Variants in NAV3 observed in about 807,000 individuals in gnomAD.
NAV3 encodes the protein neuron navigator 3.
NAV3 carries 87 observed loss-of-function variants against 244.7 expected under a neutral mutation model. The ratio of observed to expected loss-of-function variants is 0.36; its 90% CI spans 0.30 to 0.42. The LOEUF (loss-of-function observed/expected upper bound fraction) is 0.42. Among genes scored for constraint, NAV3 ranks in the 20% least tolerant of loss-of-function variants. The pLI is 1.00. For missense variants in NAV3, 2,663 were observed against 2,893.3 expected, an observed-to-expected ratio of 0.92 and a Z score of 1.83; for synonymous variants, 1,126 against 1,042.2, an observed-to-expected ratio of 1.08 and a Z score of -1.55.
At chr12:77,899,486 T>C (rs1885006856) in intron 1 of NAV3, among the ~76,000 whole-genome samples, 1 of 152,238 alleles carries the variant, frequency 6.6e-6, no homozygotes, top group Non-Finnish European at 1.5e-5. Flanking sequence ...AAGCCTCAGA[T>C]GATTGTTAGC....
chr12:78,131,782 A>C (rs981294154), intron 18 of NAV3, among the ~76,000 whole-genome samples: 11 of 152,180 alleles, frequency 7.2e-5, no homozygotes, highest in Non-Finnish European at 1.3e-4. Flanking sequence ...AGAATGACGG[A>C]TATAGTGTAT....
In NAV3 at chr12:77,998,387, A is replaced by G. The variant is rs1452917650; in HGVS notation, c.791A>G (p.Gln264Arg). The change falls in exon 7 of 40, where the codon CAG (glutamine) becomes CGG (arginine). Residue 264 changes from glutamine to arginine, a missense_variant. Transcript: ENST00000397909. The stretch of plus-strand genomic sequence containing the variant: ...GCTGCAGGAAGCAGCAGCAAGGTCC[A>G]GGGAGCCTCTAATTTAAATAGGAGA... ...VPAAGSSSKV[Q>R]GASNLNRRSQ... The G allele has an allele frequency of 6.2e-7, 1 of 1,612,066 alleles. No individual in the cohort carries two copies. Among genetic ancestry groups the G allele is most frequent in the Admixed American group, 1.7e-5 (1 of 59,746 alleles).
chr12:77,746,902 T>C (rs1399663443), intron 2 of NAV3, among the ~76,000 whole-genome samples: 3 of 152,112 alleles, frequency 2.0e-5, no homozygotes, highest in Admixed American at 2.0e-4. Context: ...TGTCATATAG[T>C]CTCAATAGTT....
At chr12:77,901,220 T>A (rs2136919276) in intron 1 of NAV3, among the ~76,000 whole-genome samples, 1 of 152,346 alleles carries the variant, frequency 6.6e-6, no homozygotes, top group East Asian at 1.9e-4. Flanking sequence ...AGAAGCTCTT[T>A]AGTTTAAGTA....
chr12:78,012,366 A>G (rs1228407679), intron 8 of NAV3, among the ~76,000 whole-genome samples: 1 of 151,980 alleles, frequency 6.6e-6, no homozygotes, highest in Admixed American at 6.6e-5. Context: ...TGGCATTTTG[A>G]CCTTCTAAAA....
At chr12:77,720,155 TTCTCTCTC>T (rs71088328) in intron 2 of NAV3, among the ~76,000 whole-genome samples, 1 of 151,148 alleles carries the variant, frequency 6.6e-6, no homozygotes, top group African/African-American at 2.4e-5. Context: ...TTACTTGAGT[TTCTCTCTC>T]TCTCTCTCTC....
At chr12:77,658,891 A>C (rs945703315) in intron 2 of NAV3, among the ~76,000 whole-genome samples, 32 of 152,224 alleles carry the variant, frequency 2.1e-4, no homozygotes, top group African/African-American at 6.8e-4. Context: ...GGGGCTGGGA[A>C]AACTGGCTAT....
At chr12:78,071,220 T>A (rs1008367633) in intron 12 of NAV3, among the ~76,000 whole-genome samples, 2 of 152,166 alleles carry the variant, frequency 1.3e-5, no homozygotes, top group African/African-American at 4.8e-5. Flanking sequence ...ACCTGCTGTT[T>A]CCTGACTTTT....
In NAV3 at chr12:77,776,793, C is replaced by CA. The variant is rs1219376004; in HGVS notation, c.73-163524dup. ...GTTGGGAGTTTGAGACCAGCCTGAC[C>CA]AACATGGAGAAACCCCGTCTCTACT... is the stretch of plus-strand genomic sequence containing the variant. On this transcript the variant is annotated intron_variant, in intron 2 of 8. Transcript: ENST00000550042. 4.6e-5 allele frequency among the ~76,000 whole-genome samples: 7 copies of CA among 152,186 alleles called. No individual in the cohort carries two copies. The East Asian group carries it at 1.4e-3, about 29-fold the overall frequency.
At chr12:77,954,394 T>A (rs1891174315) in intron 3 of NAV3, among the ~76,000 whole-genome samples, 1 of 152,222 alleles carries the variant, frequency 6.6e-6, no homozygotes, top group Admixed American at 6.6e-5. Flanking sequence ...GTAAGCATAA[T>A]GAGGCAGAAG....
chr12:77,988,452 C>T (rs956676193), intron 5 of NAV3, among the ~76,000 whole-genome samples: 15 of 152,118 alleles, frequency 9.9e-5, no homozygotes, highest in Admixed American at 6.6e-5. Flanking sequence ...TTTTGATCAC[C>T]AGATGAATTC....
chr12:77,863,092 CTTT>C (rs1879489504), intron 1 of NAV3, among the ~76,000 whole-genome samples: 1 of 151,766 alleles, frequency 6.6e-6, no homozygotes, highest in South Asian at 2.1e-4. Flanking sequence ...TCTTAAAAAT[CTTT>C]GTTAAATTAT....
chr12:77,763,819 T>C (rs1371732786), intron 2 of NAV3, among the ~76,000 whole-genome samples: 3 of 152,174 alleles, frequency 2.0e-5, no homozygotes, highest in Non-Finnish European at 4.4e-5. Context: ...GAGAGAGCTC[T>C]AGACATAATT....
At position 78,119,631 on chromosome 12, in the gene NAV3, C is replaced by T. The variant is rs369657637; in HGVS notation, c.3435C>T (p.Ser1145=). The change falls in exon 15 of 40, where the codon AGC becomes AGT. Residue 1145 remains serine (S), a synonymous_variant. Transcript: ENST00000397909. Reference sequence around the variant, plus strand: ...GCTTGCCCCGCCCTTCAAAATCCAGCACCAGTGGCATTCCTGGCCGAGGAG... The same window carrying T: ...GCTTGCCCCGCCCTTCAAAATCCAGTACCAGTGGCATTCCTGGCCGAGGAG... ...YRSLPRPSKS[S]TSGIPGRGGH... is the part of the protein sequence containing the mutation. 6 of 1,614,090 alleles carry T rather than the reference C, an allele frequency of 3.7e-6. No homozygotes were observed. The highest frequency in any genetic ancestry group is 5.1e-6 in the Non-Finnish European group (6 of 1,180,060).
At position 78,159,328 on chromosome 12, in the gene NAV3, A is replaced by C. The variant is rs368896902; in HGVS notation, c.4869+42A>C. On this transcript the variant is annotated intron_variant, in intron 23 of 39. Transcript: ENST00000397909. ...CCACTGGAGACTGAAAGAAGACAGC[A>C]AATTGCATAGGATTCTTAAATAATA... 1.1e-4 allele frequency: 169 copies of C among 1,490,096 alleles called. 1 individual carries two copies. Among genetic ancestry groups the C allele is most frequent in the Non-Finnish European group, 1.5e-4 (163 of 1,069,170 alleles). The allele number at this position is 1,490,096 out of a possible 1,614,324, so 92.3% of individuals were successfully genotyped here. A position where few individuals can be genotyped will look rare whatever the true frequency, so the allele number is the denominator to read the frequency against.
intron 1 of NAV3, among the ~76,000 whole-genome samples, chr12:77,882,842 C>G (rs763995784): frequency 6.6e-6 from 1 of 152,080 alleles, no homozygotes; most frequent in Non-Finnish European, 1.5e-5. Flanking sequence ...CTCATCATTG[C>G]TCATCATCAG....
chr12:77,847,285 A>T (rs1470291482), intron 1 of NAV3, among the ~76,000 whole-genome samples: 1 of 152,250 alleles, frequency 6.6e-6, no homozygotes, highest in Non-Finnish European at 1.5e-5. Flanking sequence ...ATGTTTTTAA[A>T]GGTCACCCGT....
At chr12:77,900,234 G>A (rs552115610) in intron 1 of NAV3, among the ~76,000 whole-genome samples, 9 of 151,888 alleles carry the variant, frequency 5.9e-5, no homozygotes, top group South Asian at 4.2e-4. Flanking sequence ...CCGCCACCAC[G>A]CCCAGCTAAT....
intron 2 of NAV3, among the ~76,000 whole-genome samples, chr12:77,748,046 TAAAA>T (rs561371327): frequency 2.6e-5 from 4 of 151,860 alleles, no homozygotes; most frequent in Non-Finnish European, 4.4e-5. Flanking sequence ...AAAATAAAAA[TAAAA>T]AAAATTGATT....
Sources: allele counts gnomAD v4.1 joint callset (sites outside exome capture counted in the v4.1 genomes callset), GRCh38; gene constraint gnomAD v4.1.1; transcripts MANE v1.5; gene names NCBI Gene and HGNC (gene_info 2026-07-23, HGNC 2026-07-21).